SOX5: variants seen among roughly 807,000 people sequenced by gnomAD.
The protein encoded by SOX5 is SRY-box transcription factor 5.
In SOX5, 9 loss-of-function variants were observed where a neutral mutation model predicts 92.0. The observed-to-expected ratio is 0.10, with a 90% CI of 0.06 to 0.17. The LOEUF is 0.17. Ranked by LOEUF, SOX5 falls within the 10% of genes least tolerant of loss-of-function variation. The probability of loss-of-function intolerance (pLI) is 1.00; values close to 1 mark genes in which losing one functional copy is unlikely to be tolerated. For synonymous variants in SOX5, 344 were observed against 336.3 expected, an observed-to-expected ratio of 1.02 and a Z score of -0.25; for missense variants, 642 against 944.5, an observed-to-expected ratio of 0.68 and a Z score of 4.20.
rs532810250 is a variant in SOX5, at chr12:23,570,843, G to A, written c.1342+4818C>T. ...GGGGAATGGCGTGAACCCAGGAGGC[G>A]GAGCTTGCAGTGAGCCAAGATTGCG... On this transcript the variant is annotated intron_variant, in intron 10 of 14. Coordinates refer to ENST00000451604, the MANE Select transcript of SOX5 (RefSeq NM_006940.6). Among the ~76,000 whole-genome samples, 80 of 145,524 alleles carry A rather than the reference G, an allele frequency of 5.5e-4. 3 individuals carry two copies. In the South Asian group the frequency reaches 0.011, roughly 21 times the overall value.
intron 2 of SOX5, among the ~76,000 whole-genome samples, chr12:24,290,394 G>T (rs999949636): frequency 6.6e-6 from 1 of 152,148 alleles, no homozygotes; most frequent in Non-Finnish European, 1.5e-5. Context: ...TAATTGAGTG[G>T]TTTCTACATG....
intron 6 of SOX5, among the ~76,000 whole-genome samples, chr12:23,683,764 T>G (rs1359251314): frequency 2.0e-5 from 3 of 152,070 alleles, no homozygotes; most frequent in African/African-American, 7.2e-5. Context: ...ACATTTTGTA[T>G]GCATCTGCTG....
intron 4 of SOX5, among the ~76,000 whole-genome samples, chr12:24,055,442 G>A (rs1957998354): frequency 6.6e-6 from 1 of 152,176 alleles, no homozygotes. Context: ...AAATCAGAAA[G>A]GAAAGTTCAC....
chr12:24,306,994 G>A (rs1172572707), intron 2 of SOX5, among the ~76,000 whole-genome samples: 4 of 152,064 alleles, frequency 2.6e-5, no homozygotes, highest in African/African-American at 2.4e-5. Flanking sequence ...ATTAAAGATG[G>A]TGGCTGAGCA....
At chr12:23,981,530 T>C (rs899364010) in intron 4 of SOX5, among the ~76,000 whole-genome samples, 11 of 152,298 alleles carry the variant, frequency 7.2e-5, no homozygotes, top group African/African-American at 2.6e-4. Flanking sequence ...GTTTTATTTA[T>C]TGCATTTTTT....
intron 6 of SOX5, among the ~76,000 whole-genome samples, chr12:23,685,945 T>TA (rs770164824): frequency 1.3e-4 from 20 of 152,286 alleles, no homozygotes; most frequent in Non-Finnish European, 2.2e-4. Context: ...TATTCCAACT[T>TA]AGAGTCTTCA....
At chr12:24,023,355 C>T (rs750618695) in intron 4 of SOX5, among the ~76,000 whole-genome samples, 18 of 151,968 alleles carry the variant, frequency 1.2e-4, no homozygotes, top group Non-Finnish European at 2.1e-4. Context: ...TAAGACAAAC[C>T]TCAGAAACTG....
chr12:23,949,446 C>A, intron 1 of SOX5, 118 bp downstream of exon 1: 2 of 1,223,344 alleles, frequency 1.6e-6, no homozygotes, highest in East Asian at 2.4e-5. Flanking sequence ...TGCAGAAGCC[C>A]TAGCTAAAGG....
chr12:23,592,632 A>T (rs1290946321), intron 9 of SOX5, among the ~76,000 whole-genome samples: 4 of 152,218 alleles, frequency 2.6e-5, no homozygotes, highest in Non-Finnish European at 5.9e-5. Context: ...CAGCAGTCTG[A>T]TAATCAGTTT....
chr12:24,551,270 C>T (rs1041021465), intron 1 of SOX5, among the ~76,000 whole-genome samples: 1 of 152,220 alleles, frequency 6.6e-6, no homozygotes, highest in African/African-American at 2.4e-5. Flanking sequence ...TAGCAAGACA[C>T]TGTGCTGGGC....
chr12:23,715,448 T>C (rs575045637), intron 6 of SOX5, among the ~76,000 whole-genome samples: 169 of 152,302 alleles, frequency 1.1e-3, no homozygotes, highest in African/African-American at 3.8e-3. Context: ...AGAAACTTAA[T>C]GTTTAAAATG....
intron 6 of SOX5, among the ~76,000 whole-genome samples, chr12:23,698,244 G>T (rs1407512029): frequency 6.6e-6 from 1 of 151,844 alleles, no homozygotes; most frequent in African/African-American, 2.4e-5. Flanking sequence ...CTTCTGTTTA[G>T]GGTTCTTTGA....
intron 1 of SOX5, among the ~76,000 whole-genome samples, chr12:24,548,914 A>G (rs1284878659): frequency 6.6e-6 from 1 of 152,116 alleles, no homozygotes; most frequent in African/African-American, 2.4e-5. Flanking sequence ...TGAAGACTCA[A>G]CTCTGTAACA....
chr12:23,982,134 T>C (rs995157755), intron 4 of SOX5, among the ~76,000 whole-genome samples: 4 of 152,180 alleles, frequency 2.6e-5, no homozygotes, highest in African/African-American at 9.7e-5. Context: ...TGAACTCCGA[T>C]TCAAAGCGTC....
intron 1 of SOX5, among the ~76,000 whole-genome samples, chr12:23,901,947 A>G (rs1385570710): frequency 6.6e-6 from 1 of 152,224 alleles, no homozygotes. Context: ...CCTTTTTTAA[A>G]TAATTTCAGC....
chr12:24,450,356 T>C (rs1221403416), intron 1 of SOX5, among the ~76,000 whole-genome samples: 1 of 152,208 alleles, frequency 6.6e-6, no homozygotes, highest in Non-Finnish European at 1.5e-5. Context: ...TTTTTGTGGC[T>C]ACATAGCAGG....
At chr12:24,479,309 T>C (rs1261751421) in intron 1 of SOX5, among the ~76,000 whole-genome samples, 3 of 152,212 alleles carry the variant, frequency 2.0e-5, no homozygotes, top group Admixed American at 1.3e-4. Context: ...ATTGTATGTG[T>C]CATTTTCTAC....
intron 3 of SOX5, among the ~76,000 whole-genome samples, chr12:23,761,583 C>T (rs2094564559): frequency 6.6e-6 from 1 of 152,062 alleles, no homozygotes; most frequent in Non-Finnish European, 1.5e-5. Context: ...AATAACTTGC[C>T]TAATATCACA....
At chr12:23,593,112 T>C (rs141461070) in intron 9 of SOX5, among the ~76,000 whole-genome samples, 101 of 151,994 alleles carry the variant, frequency 6.6e-4, no homozygotes, top group African/African-American at 2.3e-3. Context: ...AATTACTGTT[T>C]CCTTAAAAAA....
Sources: allele counts gnomAD v4.1 joint callset (sites outside exome capture counted in the v4.1 genomes callset), GRCh38; gene constraint gnomAD v4.1.1; transcripts MANE v1.5; gene names NCBI Gene and HGNC (gene_info 2026-07-23, HGNC 2026-07-21).